ROCK1: variants seen among roughly 807,000 people sequenced by gnomAD.
ROCK1 encodes the protein Rho associated coiled-coil containing protein kinase 1.
A neutral mutation model predicts 196.8 loss-of-function variants in ROCK1; 36 were observed. That is an observed-to-expected ratio of 0.18 (90% CI 0.14 to 0.24). The LOEUF (loss-of-function observed/expected upper bound fraction) is 0.24, where lower values mean the gene tolerates loss of function less well. Ranked by LOEUF, ROCK1 falls within the 10% of genes least tolerant of loss-of-function variation. ROCK1 has a pLI of 1.00. For missense variants in ROCK1, 920 were observed against 1,562.0 expected, an observed-to-expected ratio of 0.59 and a Z score of 6.93; for synonymous variants, 443 against 515.9, an observed-to-expected ratio of 0.86 and a Z score of 1.91.
intron 1 of ROCK1, among the ~76,000 whole-genome samples, chr18:21,093,448 A>G (rs2036587508): frequency 6.6e-6 from 1 of 152,202 alleles, no homozygotes; most frequent in Non-Finnish European, 1.5e-5. Context: ...TCAGTACCCC[A>G]TGAAATAAAT....
At chr18:21,039,764 A>G (rs1169454214) in intron 8 of ROCK1, among the ~76,000 whole-genome samples, 3 of 152,198 alleles carry the variant, frequency 2.0e-5, no homozygotes, top group Non-Finnish European at 4.4e-5. Context: ...TTTTAAAAGA[A>G]AACTAAAGAA....
intron 1 of ROCK1, among the ~76,000 whole-genome samples, chr18:21,083,316 T>C (rs1407258066): frequency 2.6e-5 from 4 of 152,124 alleles, no homozygotes; most frequent in Non-Finnish European, 5.9e-5. Flanking sequence ...TTTGCAGAAA[T>C]AGAAAACCTC....
In ROCK1 at chr18:21,006,520, G is replaced by A. The variant is rs755585053; in HGVS notation, c.1716C>T (p.Ser572=). ...VRLRKSHTEM[S]KSISQLESLN... is the part of the protein sequence containing the mutation. ...GGGACTCTAACTGACTAATTGACTT[G>A]CTCATCTCTGTGTGACTCTTCCTCA... is the stretch of plus-strand genomic sequence containing the variant. Residue 572 remains serine (S), a synonymous_variant, in exon 16 of 33, where the codon AGC becomes AGT. Coordinates refer to ENST00000399799, the MANE Select transcript of ROCK1 (RefSeq NM_005406.3). 5.0e-6 allele frequency: 8 copies of A among 1,613,736 alleles called. No homozygotes were observed. The South Asian group carries it at 7.7e-5, about 16-fold the overall frequency.
chr18:21,004,264 C>T (rs1401179697), intron 16 of ROCK1, among the ~76,000 whole-genome samples: 1 of 152,260 alleles, frequency 6.6e-6, no homozygotes, highest in Non-Finnish European at 1.5e-5. Context: ...ATATGGAGGA[C>T]ATTCAATTAA....
At chr18:20,957,583 C>A (rs1411970676) in intron 29 of ROCK1, among the ~76,000 whole-genome samples, 1 of 152,026 alleles carries the variant, frequency 6.6e-6, no homozygotes. Context: ...TGGGTTCAAG[C>A]GATTCTCCTG....
chr18:21,031,800 T>C (rs1205011415), intron 9 of ROCK1, among the ~76,000 whole-genome samples: 1 of 151,752 alleles, frequency 6.6e-6, no homozygotes, highest in Non-Finnish European at 1.5e-5. Context: ...TAGAACCAAA[T>C]AGAAATTCTA....
intron 13 of ROCK1, 54 bp from the exon 14 acceptor site, chr18:21,008,248 T>A: frequency 7.8e-7 from 1 of 1,286,776 alleles, no homozygotes; most frequent in South Asian, 1.5e-5. Context: ...GGTCATTCAT[T>A]CAAGTGAGTA....
intron 21 of ROCK1, 74 bp from the exon 22 acceptor site, chr18:20,980,078 T>A (rs2035516823): frequency 7.1e-7 from 1 of 1,401,614 alleles, no homozygotes; most frequent in African/African-American, 1.5e-5. Context: ...CTTATAAATT[T>A]AAAAAATTAA....
intron 22 of ROCK1, among the ~76,000 whole-genome samples, chr18:20,971,238 T>A (rs1226367791): frequency 1.3e-5 from 2 of 151,516 alleles, no homozygotes; most frequent in Non-Finnish European, 2.9e-5. Flanking sequence ...CCACCTCCTA[T>A]TTTCTAGTGA....
At chr18:21,017,842 G>A (rs559629073) in intron 12 of ROCK1, among the ~76,000 whole-genome samples, 3 of 150,924 alleles carry the variant, frequency 2.0e-5, no homozygotes, top group Non-Finnish European at 4.4e-5. Context: ...GCATGGTGGC[G>A]GGCGCCTGTA....
chr18:21,031,149 A>T (rs2036002586), intron 9 of ROCK1, among the ~76,000 whole-genome samples: 1 of 152,220 alleles, frequency 6.6e-6, no homozygotes, highest in Non-Finnish European at 1.5e-5. Flanking sequence ...GCCCTGGGGG[A>T]AAGAGGAAGA....
intron 1 of ROCK1, among the ~76,000 whole-genome samples, chr18:21,106,606 G>T (rs2036705319): frequency 6.6e-6 from 1 of 152,150 alleles, no homozygotes; most frequent in Non-Finnish European, 1.5e-5. Context: ...TAGAAGATAA[G>T]GAAGTCCGGA....
intron 9 of ROCK1, among the ~76,000 whole-genome samples, chr18:21,034,557 C>A (rs553025323): frequency 6.6e-6 from 1 of 152,156 alleles, no homozygotes; most frequent in Non-Finnish European, 1.5e-5. Context: ...AAAGGACAGT[C>A]CTTTCAACAC....
At chr18:20,984,325 A>C in intron 20 of ROCK1, 26 bp downstream of exon 20, 6 of 1,536,916 alleles carry the variant, frequency 3.9e-6, no homozygotes, top group Non-Finnish European at 5.3e-6. Flanking sequence ...AAAGAAAGAA[A>C]TCACAATGTT....
At chr18:21,059,897 T>A (rs958356042) in intron 2 of ROCK1, among the ~76,000 whole-genome samples, 24 of 152,172 alleles carry the variant, frequency 1.6e-4, no homozygotes, top group Non-Finnish European at 5.9e-5. Context: ...CTATGAACAA[T>A]GAAAACATGC....
chr18:20,994,236 G>A (rs1199869048), intron 16 of ROCK1, among the ~76,000 whole-genome samples: 1 of 152,116 alleles, frequency 6.6e-6, no homozygotes, highest in African/African-American at 2.4e-5. Flanking sequence ...AAAATACAGA[G>A]TATATGTGTG....
intron 16 of ROCK1, among the ~76,000 whole-genome samples, chr18:20,995,328 G>C (rs2035661284): frequency 6.6e-6 from 1 of 152,228 alleles, no homozygotes. Flanking sequence ...GGGGGAGGCA[G>C]AGAAGGGCCA....
Position 21,042,689 on chromosome 18 carries a change from A to G in ROCK1, c.696T>C (p.Asp232=). 6.2e-7 allele frequency: 1 copy of G among 1,613,264 alleles called. No homozygotes were observed. The highest frequency in any genetic ancestry group is 8.5e-7 in the Non-Finnish European group (1 of 1,179,484). Residue 232 remains aspartate (D), a synonymous_variant, in exon 7 of 33, where the codon GAT becomes GAC. Transcript: ENST00000399799. The part of the protein sequence containing the change: ...KMNKEGMVRC[D]TAVGTPDYIS... ...TATAATCAGGTGTTCCAACCGCTGT[A>G]TCACATCGTACCATGCCTTCCTAAA...
intron 12 of ROCK1, among the ~76,000 whole-genome samples, chr18:21,019,834 T>G (rs184546929): frequency 1.3e-5 from 2 of 149,876 alleles, no homozygotes; most frequent in Admixed American, 1.3e-4. Flanking sequence ...TACTTTCTGA[T>G]GACTGTAATG....
Sources: allele counts gnomAD v4.1 joint callset (sites outside exome capture counted in the v4.1 genomes callset), GRCh38; gene constraint gnomAD v4.1.1; transcripts MANE v1.5; gene names NCBI Gene and HGNC (gene_info 2026-07-23, HGNC 2026-07-21).